RTF1: variants seen among roughly 807,000 people sequenced by gnomAD.
RTF1 encodes RTF1 homolog, Paf1/RNA polymerase II complex component.
Under a neutral mutation model 95.7 loss-of-function variants are expected in RTF1, and 10 were observed. That is an observed-to-expected ratio of 0.10 (90% confidence interval 0.06 to 0.18). The LOEUF (loss-of-function observed/expected upper bound fraction) is 0.18. Among genes scored for constraint, RTF1 ranks in the 10% least tolerant of loss-of-function variants. The pLI is 1.00. For missense variants in RTF1, 458 were observed against 875.6 expected, an observed-to-expected ratio of 0.52 and a Z score of 6.02; for synonymous variants, 305 against 311.8, an observed-to-expected ratio of 0.98 and a Z score of 0.23.
chr15:41,467,972 C>G (rs1359952899), intron 6 of RTF1, among the ~76,000 whole-genome samples: 3 of 152,112 alleles, frequency 2.0e-5, no homozygotes, highest in Non-Finnish European at 4.4e-5. Flanking sequence ...GGAGACCAGC[C>G]TGGCCAACAG....
At chr15:41,450,502 G>A (rs918984035) in intron 2 of RTF1, among the ~76,000 whole-genome samples, 3 of 151,416 alleles carry the variant, frequency 2.0e-5, no homozygotes, top group East Asian at 3.9e-4. Flanking sequence ...GGACAATGGC[G>A]TGAACCGGGG....
At chr15:41,425,414 T>C (rs1376168867) in intron 1 of RTF1, among the ~76,000 whole-genome samples, 1 of 152,112 alleles carries the variant, frequency 6.6e-6, no homozygotes. Flanking sequence ...CCAATTTTTG[T>C]ATTTTTAGTA....
intron 1 of RTF1, among the ~76,000 whole-genome samples, chr15:41,428,649 T>C (rs2050651905): frequency 6.6e-6 from 1 of 151,650 alleles, no homozygotes; most frequent in Non-Finnish European, 1.5e-5. Flanking sequence ...CATGGATCAC[T>C]CTAGCTTTGA....
rs1466705726 is a variant in RTF1 at position 41,482,842 on chromosome 15, A to T, written c.*2155A>T. The stretch of plus-strand genomic sequence containing the variant: ...CTTTTTTTTTTGATTTCTGGTTTTA[A>T]AAAACATAAAATTATAGAATCCAGA... On this transcript the variant is annotated 3_prime_UTR_variant, in exon 18 of 18. Transcript: ENST00000389629. 1 of 152,378 alleles carries T rather than the reference A, an allele frequency of 6.6e-6. No homozygotes were observed. Among genetic ancestry groups the T allele is most frequent in the Non-Finnish European group, 1.5e-5 (1 of 68,032 alleles). 9.4% of individuals were successfully genotyped at this position (152,378 alleles called of 1,614,324 possible).
In RTF1 at chr15:41,421,523, T is replaced by C. The variant is rs188984292; in HGVS notation, c.198+4210T>C. ...TGGCGTGCCTCTAGTCTCAGCTACT[T>C]GGGAGTCTGGGGTGGGAGGATTGCT... On this transcript the variant is annotated intron_variant, in intron 1 of 17. Transcript: ENST00000389629. 4.4e-4 allele frequency among the ~76,000 whole-genome samples: 66 copies of C among 151,484 alleles called. No homozygotes were observed. The East Asian group carries it at 0.012, about 27-fold the overall frequency.
At chr15:41,454,114 G>A (rs771858812) in intron 3 of RTF1, among the ~76,000 whole-genome samples, 2 of 150,850 alleles carry the variant, frequency 1.3e-5, no homozygotes, top group African/African-American at 2.4e-5. Flanking sequence ...ATTTATTATC[G>A]AGACAGAGTT....
Position 41,480,216 on chromosome 15 carries a change from T to C in RTF1, c.1917T>C (p.Gly639=), listed in dbSNP as rs200552744. The change falls in exon 17 of 18, where the codon GGT becomes GGC. Residue 639 remains glycine (G), a splice_region_variant and synonymous_variant. Coordinates refer to ENST00000389629, the MANE Select transcript of RTF1 (RefSeq NM_015138.5). ...LPDAPKEMSK[G]QGKDKDLNSK... The stretch of plus-strand genomic sequence containing the variant: ...TAGCTTTCCTCTTCACATTCCAGGG[T>C]CAAGGCAAAGATAAAGATTTGAATT... 1,801 of 1,604,696 alleles carry C rather than the reference T, an allele frequency of 1.1e-3. 36 individuals are homozygous for C. The South Asian group carries it at 0.018, about 16-fold the overall frequency.
chr15:41,455,143 G>A (rs923509259), intron 3 of RTF1, among the ~76,000 whole-genome samples: 3 of 151,702 alleles, frequency 2.0e-5, no homozygotes, highest in African/African-American at 4.8e-5. Context: ...GTGAAACCCC[G>A]TCTCTACTAA....
At position 41,445,964 on chromosome 15, in the gene RTF1, C is replaced by A. The variant is rs144916265; in HGVS notation, c.310-6937C>A. 2.7e-3 allele frequency among the ~76,000 whole-genome samples: 409 copies of A among 152,204 alleles called. 1 individual carries two copies. The highest frequency in any genetic ancestry group is 9.3e-3 in the African/African-American group (387 of 41,520). ...TGTTGGCCAGGCTGGTCTCGAACTC[C>A]TGGCCTCAAGTGATCTGTCTGCCTC... On this transcript the variant is annotated intron_variant, in intron 2 of 17. Transcript: ENST00000389629.
At chr15:41,461,942 G>T (rs548917291) in intron 4 of RTF1, among the ~76,000 whole-genome samples, 17 of 148,360 alleles carry the variant, frequency 1.1e-4, no homozygotes, top group Non-Finnish European at 2.2e-4. Context: ...TTTTTAGAGA[G>T]GGGGGGTTTG....
Position 41,477,522 on chromosome 15 carries a change from A to C in RTF1, c.1740+7A>C, listed in dbSNP as rs1166414723. On this transcript the variant is annotated splice_region_variant and intron_variant, in intron 14 of 17. Transcript: ENST00000389629. ...GTCTGAGAAGGCCCTTGTGGTAAGA[A>C]AACTTTATCTGAATCACTAAAACAA... is the stretch of plus-strand genomic sequence containing the variant. 4.3e-6 allele frequency: 7 copies of C among 1,612,558 alleles called. No individual in the cohort carries two copies. The highest frequency in any genetic ancestry group is 5.1e-6 in the Non-Finnish European group (6 of 1,178,618).
In RTF1 at chr15:41,430,035, T is replaced by C. The variant is rs2050661051; in HGVS notation, c.199-8286T>C. On this transcript the variant is annotated intron_variant, in intron 1 of 17. Coordinates refer to ENST00000389629, the MANE Select transcript of RTF1 (RefSeq NM_015138.5). ...TCTTTTTTTTTTTTTTGAGACAGAG[T>C]CTTGCTCTATTGCCCAGGCTGGAAT... Among the ~76,000 whole-genome samples the C allele has an allele frequency of 1.1e-4, 16 of 148,162 alleles. No individual in the cohort carries two copies. In the Admixed American group the frequency reaches 1.1e-3, roughly 10 times the overall value.
chr15:41,458,608 G>C (rs773963269), intron 4 of RTF1, among the ~76,000 whole-genome samples: 7 of 150,334 alleles, frequency 4.7e-5, no homozygotes, highest in Admixed American at 3.3e-4. Context: ...AATTAGCCTG[G>C]TGTGGTGTTG....
At chr15:41,437,475 GAC>G (rs1326216028) in intron 1 of RTF1, among the ~76,000 whole-genome samples, 1 of 152,052 alleles carries the variant, frequency 6.6e-6, no homozygotes, top group African/African-American at 2.4e-5. Flanking sequence ...CAGCCTGGGT[GAC>G]ACAGCGAGAC....
At chr15:41,452,357 T>A (rs2050793099) in intron 2 of RTF1, among the ~76,000 whole-genome samples, 1 of 151,976 alleles carries the variant, frequency 6.6e-6, no homozygotes, top group Admixed American at 6.6e-5. Flanking sequence ...GATAAGTTGA[T>A]CCTGGGAGGT....
At chr15:41,452,310 C>G (rs1284455353) in intron 2 of RTF1, among the ~76,000 whole-genome samples, 1 of 151,796 alleles carries the variant, frequency 6.6e-6, no homozygotes, top group East Asian at 1.9e-4. Flanking sequence ...GTGGTACACG[C>G]CTATGGTCCC....
intron 1 of RTF1, among the ~76,000 whole-genome samples, chr15:41,436,843 C>G (rs562341073): frequency 5.9e-5 from 9 of 151,884 alleles, no homozygotes; most frequent in African/African-American, 2.2e-4. Context: ...AATCCCAGCA[C>G]TTTGGGAGGT....
intron 3 of RTF1, among the ~76,000 whole-genome samples, chr15:41,455,447 A>T (rs2050808505): frequency 6.6e-6 from 1 of 152,220 alleles, no homozygotes; most frequent in African/African-American, 2.4e-5. Context: ...AGGAACGGAA[A>T]ACCAAATATA....
chr15:41,440,956 C>T (rs1211230907), intron 2 of RTF1, among the ~76,000 whole-genome samples: 1 of 150,174 alleles, frequency 6.7e-6, no homozygotes, highest in Non-Finnish European at 1.5e-5. Context: ...TTTTCTCTCC[C>T]ACTAGTCCCC....
Sources: gnomAD v4.1 joint callset for allele counts (sites outside exome capture counted in the v4.1 genomes callset) on GRCh38, gnomAD v4.1.1 for gene constraint, MANE v1.5 for transcripts, NCBI Gene and HGNC (gene_info 2026-07-23, HGNC 2026-07-21) for gene names.